Variants in OR51B5 observed in about 807,000 individuals in gnomAD.
OR51B5 encodes olfactory receptor 51B5.
For synonymous variants in OR51B5, 186 were observed against 144.8 expected (o/e 1.28, Z -2.04); for missense variants, 456 against 374.6 (o/e 1.22, Z -1.79).
In OR51B5 at chr11:5,389,774, G is replaced by A. The variant is rs1445131148; in HGVS notation, n.85-42864C>T. 20 of 1,613,868 alleles carry A rather than the reference G, an allele frequency of 1.2e-5. No homozygotes were observed. Among genetic ancestry groups the A allele is most frequent in the Admixed American group, 1.2e-4 (7 of 60,006 alleles). On this transcript the variant is annotated intron_variant and non_coding_transcript_variant, in intron 1 of 4. Transcript: ENST00000415970. ...CTCTTTTTCCTTCATGGAGTCCTCA[G>A]TGCTCCTCATGATGTCCTTTGACCG...
rs1378214405 is a variant in OR51B5 at position 5,377,078 on chromosome 11, C to T, written n.85-30168G>A. On this transcript the variant is annotated intron_variant and non_coding_transcript_variant, in intron 1 of 4. Transcript: ENST00000415970. Reference sequence around the variant, plus strand: ...AATCCTCAATAAAATACTGGCAAACCGAATCCAGCAGCACATCAAAAAGCT... The same window carrying T: ...AATCCTCAATAAAATACTGGCAAACTGAATCCAGCAGCACATCAAAAAGCT... Among the ~76,000 whole-genome samples, 51 of 152,126 alleles carry T rather than the reference C, an allele frequency of 3.4e-4. No individual in the cohort carries two copies. The South Asian group carries it at 6.2e-3, about 19-fold the overall frequency.
chr11:5,468,106 T>G (rs1235635008), intron 1 of OR51B5, among the ~76,000 whole-genome samples: 1 of 152,244 alleles, frequency 6.6e-6, no homozygotes, highest in African/African-American at 2.4e-5. Context: ...TGGGTTGATA[T>G]GATCTCAGGT....
intron 1 of OR51B5, among the ~76,000 whole-genome samples, chr11:5,417,942 G>A (rs868761290): frequency 2.1e-4 from 31 of 144,630 alleles, no homozygotes; most frequent in South Asian, 2.4e-4. Flanking sequence ...AAATCATGCT[G>A]CTATAAAGAC....
At chr11:5,417,515 C>T (rs4910789) in intron 1 of OR51B5, among the ~76,000 whole-genome samples, 53,875 of 148,806 alleles carry the variant, frequency 0.36, 9,841 homozygotes, top group South Asian at 0.41. Flanking sequence ...AGAAAATTTT[C>T]ACAACCTACT....
intron 1 of OR51B5, among the ~76,000 whole-genome samples, chr11:5,446,630 A>G (rs1240510434): frequency 2.0e-5 from 3 of 152,210 alleles, no homozygotes; most frequent in Non-Finnish European, 4.4e-5. Context: ...ATATGACTAA[A>G]GAAAAGAATC....
intron 1 of OR51B5, among the ~76,000 whole-genome samples, chr11:5,376,552 T>G (rs578113800): frequency 6.6e-6 from 1 of 151,844 alleles, no homozygotes; most frequent in Non-Finnish European, 1.5e-5. Context: ...TCAACAAAAC[T>G]GATAGACCGC....
chr11:5,364,296 C>T (rs1849332888), intron 1 of OR51B5, among the ~76,000 whole-genome samples: 1 of 152,162 alleles, frequency 6.6e-6, no homozygotes, highest in Non-Finnish European at 1.5e-5. Context: ...CCTTGACCAC[C>T]AATCTTGACT....
intron 1 of OR51B5, among the ~76,000 whole-genome samples, chr11:5,363,594 G>C (rs1166372887): frequency 2.0e-5 from 3 of 151,956 alleles, no homozygotes; most frequent in African/African-American, 7.2e-5. Flanking sequence ...GCAGAAAGAA[G>C]ATATATTGAG....
chr11:5,356,019 G>T lies in OR51B5; in HGVS notation n.85-9109C>A, dbSNP rs555737023. On this transcript the variant is annotated intron_variant and non_coding_transcript_variant, in intron 1 of 4. Transcript: ENST00000415970. ...GACCAAAGGTAGATAAAACCACAAA[G>T]ATGGGGAAAAACAGAGCAGAAAAAC... 2.4e-4 allele frequency among the ~76,000 whole-genome samples: 31 copies of T among 127,404 alleles called. No homozygotes were observed. The South Asian group carries it at 4.8e-3, about 20-fold the overall frequency. 83.6% of individuals were successfully genotyped at this position (127,404 alleles called of 152,430 possible).
chr11:5,454,532 A>G, intron 1 of OR51B5: 1 of 986,144 alleles, frequency 1.0e-6, no homozygotes, highest in Non-Finnish European at 1.5e-6. Flanking sequence ...GCTGCGGGAA[A>G]AGTAGGCCAG....
intron 1 of OR51B5, chr11:5,456,064 T>G (rs1850954257): frequency 6.6e-6 from 1 of 152,212 alleles, no homozygotes; most frequent in Non-Finnish European, 1.5e-5. Context: ...TATTTTAGTT[T>G]CAAATATATA....
intron 1 of OR51B5, among the ~76,000 whole-genome samples, chr11:5,443,863 GCACACA>G (rs533103895): frequency 1.3e-5 from 2 of 150,676 alleles, no homozygotes; most frequent in African/African-American, 2.4e-5. Flanking sequence ...AATATCATGA[GCACACA>G]CACACACACA....
At chr11:5,479,386 G>T (rs996918121) in intron 1 of OR51B5, among the ~76,000 whole-genome samples, 1 of 150,966 alleles carries the variant, frequency 6.6e-6, no homozygotes. Context: ...AGGAACAACC[G>T]GTACCAGCTG....
At chr11:5,471,686 T>G (rs1365668224) in intron 1 of OR51B5, among the ~76,000 whole-genome samples, 1 of 151,490 alleles carries the variant, frequency 6.6e-6, no homozygotes, top group Non-Finnish European at 1.5e-5. Context: ...ACAGGAAGAA[T>G]GTATTAACAT....
At chr11:5,362,235 C>G (rs141932129) in intron 1 of OR51B5, among the ~76,000 whole-genome samples, 1 of 152,050 alleles carries the variant, frequency 6.6e-6, no homozygotes, top group Non-Finnish European at 1.5e-5. Flanking sequence ...GTGTTTCTGT[C>G]GGGGGATGGG....
chr11:5,408,999 T>A lies in OR51B5; in HGVS notation n.85-62089A>T, dbSNP rs554069458. Among the ~76,000 whole-genome samples the A allele has an allele frequency of 8.5e-5, 13 of 152,268 alleles. No individual in the cohort carries two copies. The South Asian group carries it at 2.1e-3, about 24-fold the overall frequency. On this transcript the variant is annotated intron_variant and non_coding_transcript_variant, in intron 1 of 4. Coordinates refer to the OR51B5 transcript ENST00000415970. Reference sequence around the variant, plus strand: ...ACTAAAAGTAATAAACCCAACTTGTTGATCTATAGGTATGTTCTTGGTGGT... The same window carrying A: ...ACTAAAAGTAATAAACCCAACTTGTAGATCTATAGGTATGTTCTTGGTGGT...
chr11:5,441,011 C>T lies in OR51B5; in HGVS notation n.84+64558G>A, dbSNP rs530955809. 14 of 1,613,936 alleles carry T rather than the reference C, an allele frequency of 8.7e-6. No individual in the cohort carries two copies. The South Asian group carries it at 9.9e-5, about 11-fold the overall frequency. ...GCAAAACATTGCCTTTGCAGAAGGG[C>T]AGTCGTTTCACCACAAAAGGGAAAG... On this transcript the variant is annotated intron_variant and non_coding_transcript_variant, in intron 1 of 4. Transcript: ENST00000415970.
intron 1 of OR51B5, among the ~76,000 whole-genome samples, chr11:5,488,388 CAAT>C (rs1851526909): frequency 1.3e-5 from 2 of 151,936 alleles, no homozygotes; most frequent in Admixed American, 1.3e-4. Context: ...GACTAGAGGT[CAAT>C]AAATGATGTG....
chr11:5,501,981 T>C lies in OR51B5; in HGVS notation n.84+3588A>G, dbSNP rs946185282. Reference sequence around the variant, plus strand: ...CCGCCCTGTGTCCATGTGTTCTCATTGTTCAACTCCCACCTGTGAGTGAAT... The same window carrying C: ...CCGCCCTGTGTCCATGTGTTCTCATCGTTCAACTCCCACCTGTGAGTGAAT... On this transcript the variant is annotated intron_variant and non_coding_transcript_variant, in intron 1 of 4. Transcript: ENST00000415970. Among the ~76,000 whole-genome samples, 6 of 151,854 alleles carry C rather than the reference T, an allele frequency of 4.0e-5. No individual in the cohort carries two copies. In the South Asian group the frequency reaches 6.3e-4, roughly 16 times the overall value.
Sources: allele counts gnomAD v4.1 joint callset (sites outside exome capture counted in the v4.1 genomes callset), GRCh38; gene constraint gnomAD v4.1.1; transcripts MANE v1.5; gene names NCBI Gene and HGNC (gene_info 2026-07-23, HGNC 2026-07-21).